Variants in PCDHGA8 observed in about 807,000 individuals in gnomAD.
PCDHGA8 encodes the protein protocadherin gamma-A8.
PCDHGA8 carries 45 observed loss-of-function variants against 59.2 expected under a neutral mutation model. The ratio of observed to expected loss-of-function variants is 0.76; its 90% CI spans 0.60 to 0.98. The LOEUF is 0.98. Among genes scored for constraint, PCDHGA8 ranks in the 50% least tolerant of loss-of-function variants. The pLI, the probability that PCDHGA8 is intolerant of heterozygous loss-of-function variation, is 0.00. For missense variants in PCDHGA8, 1,257 were observed against 1,196.2 expected (o/e 1.05, Z -0.75); for synonymous variants, 531 against 519.0 (o/e 1.02, Z -0.32).
rs746539261 is a variant in PCDHGA8, at chr5:141,415,336, C to A, written c.2424+20099C>A. On this transcript the variant is annotated intron_variant, in intron 1 of 3. Transcript: ENST00000398604. ...CATCGTGCTGCTGGCGCACAGGCTG[C>A]GGCGCTGGCACAAGTCACGCCTGCT... 7 of 1,614,200 alleles carry A rather than the reference C, an allele frequency of 4.3e-6. 1 individual carries two copies. The South Asian group carries it at 7.7e-5, about 18-fold the overall frequency.
At chr5:141,425,209 A>ATCAT (rs1368049572) in intron 1 of PCDHGA8, among the ~76,000 whole-genome samples, 2 of 152,180 alleles carry the variant, frequency 1.3e-5, no homozygotes, top group Admixed American at 1.3e-4. Flanking sequence ...GATGTAAGGC[A>ATCAT]TTGTACTTTG....
At chr5:141,510,917 C>A in intron 3 of PCDHGA8, 30 bp from the exon 4 acceptor site, 2 of 1,613,854 alleles carry the variant, frequency 1.2e-6, no homozygotes, top group Non-Finnish European at 8.5e-7. Flanking sequence ...CTAAGTTTAG[C>A]TCCCACCTGA....
rs1051300319 is a variant in PCDHGA8 at position 141,491,957 on chromosome 5, A to T, written c.2425-2850A>T. ...GACCGACCCCCACCCCTACACTCAA[A>T]AAAGGCCGGGGCCTCCTTCGAGCTT... is the stretch of plus-strand genomic sequence containing the variant. On this transcript the variant is annotated intron_variant, in intron 1 of 3. Coordinates refer to ENST00000398604, the MANE Select transcript of PCDHGA8 (RefSeq NM_032088.2). The surrounding 1 kb of genome is among the most constrained non-coding windows in gnomAD (Gnocchi z 6.9). 3.6e-5 allele frequency: 37 copies of T among 1,020,096 alleles called. No individual in the cohort carries two copies. The highest frequency in any genetic ancestry group is 5.0e-5 in the Non-Finnish European group (37 of 736,248). The allele number at this position is 1,020,096 out of a possible 1,614,324, so 63.2% of individuals were successfully genotyped here.
intron 1 of PCDHGA8, chr5:141,433,024 C>A: frequency 6.2e-7 from 1 of 1,614,168 alleles, no homozygotes; most frequent in African/African-American, 1.3e-5. Flanking sequence ...CCTATTCCCA[C>A]GAGGTTTCCC....
chr5:141,425,844 G>C (rs985746948), intron 1 of PCDHGA8, among the ~76,000 whole-genome samples: 1 of 152,104 alleles, frequency 6.6e-6, no homozygotes, highest in Admixed American at 6.6e-5. Flanking sequence ...CTCTTTGCTG[G>C]GTTAATGACT....
chr5:141,399,430 A>G (rs758530359), intron 1 of PCDHGA8: 12 of 1,614,016 alleles, frequency 7.4e-6, no homozygotes, highest in Non-Finnish European at 1.0e-5. Context: ...CATAAGCGTC[A>G]TCCTACATAT....
chr5:141,464,483 C>G (rs192469583), intron 1 of PCDHGA8, among the ~76,000 whole-genome samples: 32 of 151,368 alleles, frequency 2.1e-4, no homozygotes, highest in African/African-American at 7.3e-4. Flanking sequence ...ATAATAAATT[C>G]CTAATAGTGT....
chr5:141,473,598 T>C (rs959841516), intron 1 of PCDHGA8, among the ~76,000 whole-genome samples: 8 of 152,066 alleles, frequency 5.3e-5, no homozygotes, highest in African/African-American at 1.9e-4. Flanking sequence ...CCTGTAGAAA[T>C]TAGCAAAGCA....
rs1231121250 is a variant in PCDHGA8 at position 141,399,544 on chromosome 5, T to G, written c.2424+4307T>G. The G allele has an allele frequency of 5.6e-6, 9 of 1,614,022 alleles. No individual in the cohort carries two copies. The highest frequency in any genetic ancestry group is 7.6e-6 in the Non-Finnish European group (9 of 1,179,882). ...GGCCTCCATCGCGCAAGTCTGCGCCTCGGACCTGGACTTGGGGTTGAACGG... is the reference window on the plus strand; with the variant it reads ...GGCCTCCATCGCGCAAGTCTGCGCCGCGGACCTGGACTTGGGGTTGAACGG... On this transcript the variant is annotated intron_variant, in intron 1 of 3. Transcript: ENST00000398604.
Position 141,477,198 on chromosome 5 carries a change from TACCCGAGGATG to T in PCDHGA8, c.2425-17608_2425-17598del. 6.2e-7 allele frequency: 1 copy of T among 1,614,194 alleles called. No homozygotes were observed. The highest frequency in any genetic ancestry group is 2.2e-5 in the East Asian group (1 of 44,874). On this transcript the variant is annotated intron_variant, in intron 1 of 3. Transcript: ENST00000398604. The surrounding 1 kb of genome is among the most constrained non-coding windows in gnomAD (Gnocchi z 4.9). ...ACAGTCACCTCCGTGTACAGCCCAG[TACCCGAGGATG>T]CCCCTCTGGGGACTGTCATCGCTTT...
intron 1 of PCDHGA8, chr5:141,419,465 G>A (rs568864628): frequency 1.9e-6 from 3 of 1,612,544 alleles, no homozygotes; most frequent in South Asian, 1.1e-5. Context: ...GCAGGCCCGC[G>A]ACCAGGGCTC....
At position 141,477,055 on chromosome 5, in the gene PCDHGA8, G is replaced by A. The variant is rs531755338; in HGVS notation, c.2425-17752G>A. Reference sequence around the variant, plus strand: ...CAATCAAGGGTCGGCTGGACTTCGAGGACACCAAACTCCATGAGATTTACA... The same window carrying A: ...CAATCAAGGGTCGGCTGGACTTCGAAGACACCAAACTCCATGAGATTTACA... On this transcript the variant is annotated intron_variant, in intron 1 of 3. Transcript: ENST00000398604. This position sits in a 1 kb window ranked among gnomAD's most constrained non-coding sequence, Gnocchi z 4.9. The A allele has an allele frequency of 4.5e-5, 72 of 1,614,242 alleles. 1 individual carries two copies. In the South Asian group the frequency reaches 7.8e-4, roughly 17 times the overall value.
In PCDHGA8 at chr5:141,442,072, C is replaced by G. The variant is rs1034351866; in HGVS notation, c.2424+46835C>G. On this transcript the variant is annotated intron_variant, in intron 1 of 3. Transcript: ENST00000398604. ...GTCGCGGTGCACTGCGGTGGACAGC[C>G]GCTCCTCTCGCTACCGCCACGTCAC... 17 of 175,092 alleles carry G rather than the reference C, an allele frequency of 9.7e-5. No homozygotes were observed. The South Asian group carries it at 1.5e-3, about 16-fold the overall frequency. 10.8% of individuals were successfully genotyped at this position (175,092 alleles called of 1,614,324 possible). A position where few individuals can be genotyped will look rare whatever the true frequency, so the allele number is the denominator to read the frequency against.
At chr5:141,443,383 G>A (rs1302172660) in intron 1 of PCDHGA8, among the ~76,000 whole-genome samples, 1 of 152,130 alleles carries the variant, frequency 6.6e-6, no homozygotes, top group Non-Finnish European at 1.5e-5. Flanking sequence ...TACTTGGGAG[G>A]CTGAGGTGTG....
intron 1 of PCDHGA8, chr5:141,419,427 A>C: frequency 1.2e-6 from 2 of 1,613,290 alleles, no homozygotes; most frequent in Non-Finnish European, 1.7e-6. Context: ...TTCGACCACG[A>C]GCAGCTGCGC....
At chr5:141,450,810 AT>A (rs755484062) in intron 1 of PCDHGA8, among the ~76,000 whole-genome samples, 1 of 136,728 alleles carries the variant, frequency 7.3e-6, no homozygotes, top group Admixed American at 7.3e-5. Context: ...TTATTTATTT[AT>A]TTAATATTAT....
intron 1 of PCDHGA8, chr5:141,414,096 A>G (rs2095708665): frequency 1.9e-6 from 3 of 1,595,210 alleles, no homozygotes; most frequent in Middle Eastern, 3.3e-4. Context: ...AAATAAAAAT[A>G]TCAGAAAATC....
chr5:141,399,561 G>A, intron 1 of PCDHGA8: 2 of 1,614,042 alleles, frequency 1.2e-6, no homozygotes, highest in Non-Finnish European at 1.7e-6. Flanking sequence ...TGGACTTGGG[G>A]TTGAACGGCC....
intron 1 of PCDHGA8, chr5:141,413,652 G>A: frequency 6.2e-7 from 1 of 1,613,780 alleles, no homozygotes; most frequent in Non-Finnish European, 8.5e-7. Context: ...TTCCTCTCCC[G>A]GAAGCTATTG....
Sources: allele counts gnomAD v4.1 joint callset (sites outside exome capture counted in the v4.1 genomes callset), GRCh38; gene constraint gnomAD v4.1.1; non-coding constraint Gnocchi (gnomAD v3.1); transcripts MANE v1.5; gene names NCBI Gene and HGNC (gene_info 2026-07-23, HGNC 2026-07-21).